Variants in ADAM32 observed in about 807,000 individuals in gnomAD.
ADAM32 encodes the protein ADAM metallopeptidase domain 32.
ADAM32 carries 89 observed loss-of-function variants against 114.9 expected under a neutral mutation model. The observed-to-expected ratio is 0.77, with a 90% CI of 0.65 to 0.92. The LOEUF (loss-of-function observed/expected upper bound fraction) is 0.92, where lower values mean the gene tolerates loss of function less well. Among genes scored for constraint, ADAM32 ranks in the 40% least tolerant of loss-of-function variants. The probability of loss-of-function intolerance (pLI) is 0.00; values close to 1 mark genes in which losing one functional copy is unlikely to be tolerated. For synonymous variants in ADAM32, 285 were observed against 307.5 expected (o/e 0.93, Z 0.77); for missense variants, 870 against 932.8 (o/e 0.93, Z 0.88).
chr8:39,122,336 G>A (rs1840620431), intron 2 of ADAM32, among the ~76,000 whole-genome samples: 1 of 152,146 alleles, frequency 6.6e-6, no homozygotes, highest in Non-Finnish European at 1.5e-5. Context: ...TAAGGAGATA[G>A]AGTTAAATGT....
At chr8:39,261,004 G>A (rs1393868881) in intron 19 of ADAM32, among the ~76,000 whole-genome samples, 1 of 152,000 alleles carries the variant, frequency 6.6e-6, no homozygotes, top group South Asian at 2.1e-4. Context: ...TATATGTAAT[G>A]TATAGTGATC....
chr8:39,132,733 T>C (rs1307295649), intron 2 of ADAM32, among the ~76,000 whole-genome samples: 2 of 150,322 alleles, frequency 1.3e-5, no homozygotes, highest in Non-Finnish European at 3.0e-5. Context: ...TTGCTGGATA[T>C]AAAATTGTTA....
At chr8:39,235,495 C>A (rs1244299971) in intron 16 of ADAM32, among the ~76,000 whole-genome samples, 2 of 151,866 alleles carry the variant, frequency 1.3e-5, no homozygotes, top group South Asian at 2.1e-4. Context: ...ATATTTAGGT[C>A]ATGGAGCAGA....
chr8:39,254,093 T>G (rs556713021), intron 17 of ADAM32, among the ~76,000 whole-genome samples: 1 of 151,838 alleles, frequency 6.6e-6, no homozygotes, highest in African/African-American at 2.4e-5. Flanking sequence ...GGCTCCAGCA[T>G]GTCACTGGAG....
intron 11 of ADAM32, among the ~76,000 whole-genome samples, chr8:39,202,840 T>C (rs191226583): frequency 0.25 from 37,510 of 151,932 alleles, 4,975 homozygotes; most frequent in Non-Finnish European, 0.29. Flanking sequence ...TGTCTTTGTT[T>C]TTGTTGGTTT....
At chr8:39,174,470 T>A (rs1805388470) in intron 10 of ADAM32, among the ~76,000 whole-genome samples, 2 of 151,862 alleles carry the variant, frequency 1.3e-5, no homozygotes. Context: ...CCATATGATT[T>A]TTTTTTTGCC....
chr8:39,179,511 T>G, intron 10 of ADAM32, among the ~76,000 whole-genome samples: 1 of 152,178 alleles, frequency 6.6e-6, no homozygotes, highest in East Asian at 1.9e-4. Context: ...GTGTCCATAG[T>G]ATGCCCAAAT....
At chr8:39,136,790 A>T in intron 3 of ADAM32, 72 bp downstream of exon 3, 1 of 1,020,030 alleles carries the variant, frequency 9.8e-7, no homozygotes, top group Non-Finnish European at 1.4e-6. Context: ...TAGAAAATGG[A>T]GTATGAGAAA....
At chr8:39,258,728 G>A (rs527301041) in intron 19 of ADAM32, among the ~76,000 whole-genome samples, 7 of 151,926 alleles carry the variant, frequency 4.6e-5, no homozygotes, top group Non-Finnish European at 7.4e-5. Context: ...TACATACTGG[G>A]TTTTTTTCCT....
chr8:39,238,495 A>G (rs192166964), intron 16 of ADAM32, among the ~76,000 whole-genome samples: 7 of 152,338 alleles, frequency 4.6e-5, no homozygotes, highest in Non-Finnish European at 7.3e-5. Flanking sequence ...CAGAAAAACA[A>G]TTCTGGTAAT....
chr8:39,195,061 A>C (rs867827465), intron 11 of ADAM32, among the ~76,000 whole-genome samples: 98 of 152,176 alleles, frequency 6.4e-4, no homozygotes, highest in African/African-American at 2.3e-3. Flanking sequence ...TTTTGGGGCC[A>C]GGAAGAAGTC....
intron 1 of ADAM32, among the ~76,000 whole-genome samples, chr8:39,111,617 T>A (rs991101632): frequency 4.7e-5 from 7 of 147,748 alleles, no homozygotes; most frequent in Admixed American, 3.5e-4. Flanking sequence ...ATGCCTGTAA[T>A]CCCAGCTGAG....
intron 16 of ADAM32, among the ~76,000 whole-genome samples, chr8:39,244,655 G>A (rs1379510828): frequency 6.6e-6 from 1 of 152,152 alleles, no homozygotes; most frequent in African/African-American, 2.4e-5. Context: ...AACTCAAGAT[G>A]TGTCAAAGAC....
intron 9 of ADAM32, chr8:39,166,690 A>G (rs993206501): frequency 6.6e-6 from 1 of 152,114 alleles, no homozygotes; most frequent in Admixed American, 6.6e-5. Context: ...CTGCATCCAC[A>G]CCAACATCTA....
intron 9 of ADAM32, chr8:39,166,112 A>C (rs1804819948): frequency 1.3e-5 from 2 of 152,150 alleles, no homozygotes; most frequent in African/African-American, 4.8e-5. Flanking sequence ...TAAGTTCTTT[A>C]GTGGTGATTT....
At chr8:39,270,943 T>C (rs1369537665) in intron 20 of ADAM32, 29 bp downstream of exon 20, 5 of 1,583,978 alleles carry the variant, frequency 3.2e-6, no homozygotes, top group African/African-American at 1.4e-5. Flanking sequence ...GTTTTTAAGA[T>C]ACATGTTGAA....
intron 12 of ADAM32, among the ~76,000 whole-genome samples, chr8:39,219,298 G>T (rs561361029): frequency 6.6e-6 from 1 of 152,070 alleles, no homozygotes; most frequent in Non-Finnish European, 1.5e-5. Context: ...CTGCAGTCTG[G>T]CTTAGAGCCC....
intron 10 of ADAM32, among the ~76,000 whole-genome samples, chr8:39,175,296 T>C (rs940788384): frequency 6.6e-6 from 1 of 152,228 alleles, no homozygotes; most frequent in African/African-American, 2.4e-5. Context: ...CTTTTGCCCA[T>C]TCAGTATGAC....
chr8:39,275,808 A>G lies in ADAM32; in HGVS notation c.2241-20A>G. On this transcript the variant is annotated intron_variant, in intron 21 of 24. Transcript: ENST00000379907. The stretch of plus-strand genomic sequence containing the variant: ...TGTTAAGTATTAACGTGGAAGCATT[A>G]CTTTTTCGCTTTCTTTTAGAACCAG... The G allele has an allele frequency of 1.9e-6, 3 of 1,547,660 alleles. No homozygotes were observed. The highest frequency in any genetic ancestry group is 1.7e-4 in the Middle Eastern group (1 of 5,978).
Sources: gnomAD v4.1 joint callset for allele counts (sites outside exome capture counted in the v4.1 genomes callset) on GRCh38, gnomAD v4.1.1 for gene constraint, MANE v1.5 for transcripts, NCBI Gene and HGNC (gene_info 2026-07-23, HGNC 2026-07-21) for gene names.